Variants in GALNT13 observed in about 807,000 individuals in gnomAD.
The protein encoded by GALNT13 is polypeptide N-acetylgalactosaminyltransferase 13, also known as UDP-GalNAc:polypeptide N-acetylgalactosaminyltransferase 13.
Under a neutral mutation model 64.2 loss-of-function variants are expected in GALNT13, and 28 were observed. The observed-to-expected ratio is 0.44, with a 90% CI of 0.32 to 0.60. The LOEUF is 0.60. Among genes scored for constraint, GALNT13 ranks in the 20% least tolerant of loss-of-function variants. GALNT13 has a pLI of 0.05. For missense variants in GALNT13, 577 were observed against 669.8 expected (o/e 0.86, Z 1.53); for synonymous variants, 214 against 224.6 (o/e 0.95, Z 0.42).
At chr2:153,370,611 G>T in the GALNT13 span, 2 of 152,126 alleles carry the variant, frequency 1.3e-5, no homozygotes, top group Non-Finnish European at 2.9e-5. Flanking sequence ...TTGTCACAAA[G>T]ATGTCACTAA....
At chr2:154,430,095 C>A (rs897016856) in intron 11 of GALNT13, among the ~76,000 whole-genome samples, 17 of 152,308 alleles carry the variant, frequency 1.1e-4, no homozygotes, top group Admixed American at 5.2e-4. Context: ...TGTCTGCTAA[C>A]ACAATATTCA....
At chr2:154,147,804 A>G (rs1683708384) in intron 4 of GALNT13, among the ~76,000 whole-genome samples, 1 of 151,896 alleles carries the variant, frequency 6.6e-6, no homozygotes, top group South Asian at 2.1e-4. Flanking sequence ...TGTTTTTCCT[A>G]CTTGAGTTAT....
At chr2:153,688,465 G>A in the GALNT13 span, among the ~76,000 whole-genome samples, 1 of 151,894 alleles carries the variant, frequency 6.6e-6, no homozygotes, top group Non-Finnish European at 1.5e-5. Context: ...TTTGAAATAT[G>A]TTTCCAGAAA....
intron 4 of GALNT13, among the ~76,000 whole-genome samples, chr2:154,219,841 C>T (rs894222131): frequency 6.6e-6 from 1 of 152,032 alleles, no homozygotes; most frequent in African/African-American, 2.4e-5. Flanking sequence ...TTTGCAGAAG[C>T]TTTAAGGGCT....
the GALNT13 span, among the ~76,000 whole-genome samples, chr2:153,519,510 A>G: frequency 4.6e-5 from 7 of 151,940 alleles, no homozygotes; most frequent in African/African-American, 1.7e-4. Flanking sequence ...TTTTCTTTTT[A>G]ACTGTTTTAT....
the GALNT13 span, among the ~76,000 whole-genome samples, chr2:153,095,976 G>A: frequency 6.6e-6 from 1 of 152,164 alleles, no homozygotes; most frequent in Admixed American, 6.5e-5. Flanking sequence ...CATGGCACAT[G>A]TATAGATATG....
intron 4 of GALNT13, among the ~76,000 whole-genome samples, chr2:154,181,896 T>G (rs1183078256): frequency 6.6e-6 from 1 of 152,050 alleles, no homozygotes; most frequent in Non-Finnish European, 1.5e-5. Flanking sequence ...CATTATTAGA[T>G]TTTCTCTCTC....
chr2:153,747,668 T>C, the GALNT13 span, among the ~76,000 whole-genome samples: 1 of 151,902 alleles, frequency 6.6e-6, no homozygotes, highest in African/African-American at 2.4e-5. Context: ...CCTCAGGTGA[T>C]TTTCTGCCTT....
the GALNT13 span, among the ~76,000 whole-genome samples, chr2:153,144,075 A>G: frequency 1.3e-5 from 2 of 151,934 alleles, no homozygotes; most frequent in African/African-American, 4.8e-5. Flanking sequence ...GGATAATTGG[A>G]TATTTGAAAA....
chr2:153,605,468 C>A, the GALNT13 span, among the ~76,000 whole-genome samples: 2 of 152,050 alleles, frequency 1.3e-5, no homozygotes, highest in Non-Finnish European at 2.9e-5. Context: ...TCTTTAACTT[C>A]TTAAATATAA....
the GALNT13 span, among the ~76,000 whole-genome samples, chr2:153,140,931 CAG>C: frequency 6.6e-6 from 1 of 151,890 alleles, no homozygotes; most frequent in Non-Finnish European, 1.5e-5. Flanking sequence ...AGTATTTTTA[CAG>C]AGTTGTGCAA....
At chr2:153,606,111 C>T in the GALNT13 span, among the ~76,000 whole-genome samples, 3 of 152,028 alleles carry the variant, frequency 2.0e-5, no homozygotes, top group African/African-American at 7.2e-5. Context: ...AGCAAGCACC[C>T]ATTAGGTTGA....
chr2:153,146,003 C>CACTGGGTT, the GALNT13 span, among the ~76,000 whole-genome samples: 1 of 151,648 alleles, frequency 6.6e-6, no homozygotes, highest in Admixed American at 6.6e-5. Context: ...TTGGGAAACT[C>CACTGGGTT]ACTGGGTTTC....
At chr2:153,547,309 T>C in the GALNT13 span, among the ~76,000 whole-genome samples, 1 of 152,204 alleles carries the variant, frequency 6.6e-6, no homozygotes, top group Non-Finnish European at 1.5e-5. Context: ...GGTTGTACTA[T>C]GTCGAAATAC....
At chr2:153,485,075 G>T in the GALNT13 span, among the ~76,000 whole-genome samples, 18 of 152,306 alleles carry the variant, frequency 1.2e-4, no homozygotes, top group South Asian at 8.3e-4. Flanking sequence ...GAAGTTGCAT[G>T]TTAGTATTGT....
At chr2:154,335,414 T>G (rs1159560613) in intron 9 of GALNT13, among the ~76,000 whole-genome samples, 3 of 152,042 alleles carry the variant, frequency 2.0e-5, no homozygotes, top group Non-Finnish European at 4.4e-5. Context: ...TGCAGTTCTT[T>G]TATATTGTTC....
At chr2:153,892,087 A>G (rs1385288373) in intron 1 of GALNT13, among the ~76,000 whole-genome samples, 1 of 151,954 alleles carries the variant, frequency 6.6e-6, no homozygotes, top group East Asian at 1.9e-4. Flanking sequence ...CCTTGTTCCT[A>G]TTGCTGTTGC....
intron 3 of GALNT13, among the ~76,000 whole-genome samples, chr2:153,947,060 G>A (rs998338330): frequency 6.6e-6 from 1 of 151,938 alleles, no homozygotes; most frequent in Non-Finnish European, 1.5e-5. Flanking sequence ...AAAGGTTTTG[G>A]AGTAGGCAGT....
chr2:153,396,598 G>A, the GALNT13 span, among the ~76,000 whole-genome samples: 2 of 151,968 alleles, frequency 1.3e-5, no homozygotes, highest in Non-Finnish European at 2.9e-5. Flanking sequence ...AGTTCTATGT[G>A]AGTAGTCTGG....
Sources: gnomAD v4.1 joint callset for allele counts (sites outside exome capture counted in the v4.1 genomes callset) on GRCh38, gnomAD v4.1.1 for gene constraint, MANE v1.5 for transcripts, NCBI Gene and HGNC (gene_info 2026-07-23, HGNC 2026-07-21) for gene names.